The following SH3D19 variants were observed in gnomAD, a reference collection of about 807,000 sequenced individuals.
SH3D19 encodes SH3 domain containing 19.
Under a neutral mutation model 112.1 loss-of-function variants are expected in SH3D19, and 58 were observed. That is an observed-to-expected ratio of 0.52 (90% CI 0.42 to 0.64). SH3D19 has a LOEUF of 0.64. Among genes scored for constraint, SH3D19 ranks in the 30% least tolerant of loss-of-function variants. The pLI is 0.00. For synonymous variants in SH3D19, 391 were observed against 448.5 expected, an observed-to-expected ratio of 0.87 and a Z score of 1.62; for missense variants, 1,090 against 1,263.4, an observed-to-expected ratio of 0.86 and a Z score of 2.08.
chr4:151,229,679 G>A (rs955376146), intron 1 of SH3D19, among the ~76,000 whole-genome samples: 9 of 152,176 alleles, frequency 5.9e-5, no homozygotes, highest in Admixed American at 3.9e-4. Context: ...TTGGGAGGCC[G>A]AGGTGGGTGG....
chr4:151,213,869 T>C (rs1766416695), intron 2 of SH3D19, among the ~76,000 whole-genome samples: 1 of 151,404 alleles, frequency 6.6e-6, no homozygotes, highest in African/African-American at 2.4e-5. Flanking sequence ...AAATTTTTTT[T>C]TTTTTAATTT....
intron 3 of SH3D19, among the ~76,000 whole-genome samples, chr4:151,182,232 G>A (rs756595847): frequency 2.6e-5 from 4 of 151,890 alleles, no homozygotes; most frequent in Non-Finnish European, 5.9e-5. Flanking sequence ...CAAGTGATCC[G>A]CCCACCTTGG....
chr4:151,299,918 T>A (rs1728196534), intron 1 of SH3D19, among the ~76,000 whole-genome samples: 1 of 151,964 alleles, frequency 6.6e-6, no homozygotes, highest in Non-Finnish European at 1.5e-5. Context: ...AAAACCAATG[T>A]CGGCCGGGTG....
chr4:151,185,129 T>C (rs1761580327), intron 3 of SH3D19, among the ~76,000 whole-genome samples: 1 of 145,596 alleles, frequency 6.9e-6, no homozygotes, highest in Non-Finnish European at 1.5e-5. Context: ...AGATCTATCT[T>C]GGGGGATCCA....
intron 3 of SH3D19, among the ~76,000 whole-genome samples, chr4:151,183,954 A>C (rs1225952908): frequency 5.3e-5 from 8 of 152,224 alleles, no homozygotes; most frequent in Non-Finnish European, 5.9e-5. Flanking sequence ...GTCAACACCT[A>C]CCACGCACAG....
intron 7 of SH3D19, among the ~76,000 whole-genome samples, chr4:151,169,497 A>T (rs1251665375): frequency 6.6e-6 from 1 of 152,182 alleles, no homozygotes; most frequent in Non-Finnish European, 1.5e-5. Flanking sequence ...GATAAACAGC[A>T]TCACTTCAAT....
intron 1 of SH3D19, among the ~76,000 whole-genome samples, chr4:151,283,663 A>T (rs1253858444): frequency 6.6e-6 from 1 of 151,738 alleles, no homozygotes; most frequent in Non-Finnish European, 1.5e-5. Context: ...TGGGACTACA[A>T]GCTCACACCT....
intron 17 of SH3D19, among the ~76,000 whole-genome samples, chr4:151,130,919 G>A (rs915231885): frequency 5.3e-5 from 8 of 150,764 alleles, no homozygotes; most frequent in Admixed American, 4.6e-4. Context: ...CAGCCTGGGC[G>A]ACGGAGTAAG....
rs1308365941 is a variant in SH3D19 at position 151,176,524 on chromosome 4, C to T, written c.529+10G>A. 4 of 1,232,000 alleles carry T rather than the reference C, an allele frequency of 3.2e-6. No homozygotes were observed. The African/African-American group carries it at 6.2e-5, about 19-fold the overall frequency. 76.3% of individuals were successfully genotyped at this position (1,232,000 alleles called of 1,614,324 possible). On this transcript the variant is annotated intron_variant, in intron 6 of 19. Transcript: ENST00000604030. ...GGTCAGAATTAGGGAAGACAAATTA[C>T]TTGCATTACTTTGAGGCAGATCGTT...
chr4:151,270,814 C>A (rs1421852497), intron 1 of SH3D19, among the ~76,000 whole-genome samples: 3 of 152,172 alleles, frequency 2.0e-5, no homozygotes, highest in African/African-American at 7.2e-5. Flanking sequence ...ATTTGTGAAA[C>A]AAAAGCTTCA....
intron 1 of SH3D19, among the ~76,000 whole-genome samples, chr4:151,238,994 T>C (rs1291214581): frequency 6.6e-6 from 1 of 152,208 alleles, no homozygotes; most frequent in Non-Finnish European, 1.5e-5. Context: ...TTACTCACTG[T>C]GTAGAATGCT....
At chr4:151,259,445 T>A (rs913651676) in intron 1 of SH3D19, 3 of 152,238 alleles carry the variant, frequency 2.0e-5, no homozygotes, top group Non-Finnish European at 4.4e-5. Flanking sequence ...CCAGGCTGCA[T>A]CCCTCCAAGT....
rs560064738 is a variant in SH3D19 at position 151,157,259 on chromosome 4, G to GA, written c.1755+1980dup. Among the ~76,000 whole-genome samples, 1,106 of 121,764 alleles carry GA rather than the reference G, an allele frequency of 9.1e-3. 5 individuals carry two copies. The highest frequency in any genetic ancestry group is 0.024 in the African/African-American group (815 of 33,552). 79.9% of individuals were successfully genotyped at this position (121,764 alleles called of 152,430 possible). A position where few individuals can be genotyped will look rare whatever the true frequency, so the allele number is the denominator to read the frequency against. ...AGAGTAAGACCCTATCTCAAAAAAA[G>GA]AAAAAAAAAAAACGGCAAATGATCT... On this transcript the variant is annotated intron_variant, in intron 9 of 19. Transcript: ENST00000604030.
intron 1 of SH3D19, among the ~76,000 whole-genome samples, chr4:151,228,336 T>G (rs1278237483): frequency 3.3e-5 from 5 of 152,212 alleles, no homozygotes; most frequent in Non-Finnish European, 5.9e-5. Context: ...ACTCACAATA[T>G]TTCCCATCCC....
chr4:151,269,596 A>C (rs1255011341), intron 1 of SH3D19, among the ~76,000 whole-genome samples: 2 of 152,118 alleles, frequency 1.3e-5, no homozygotes, highest in Non-Finnish European at 2.9e-5. Context: ...TAAGTCTTTA[A>C]TCCATCTAAG....
chr4:151,307,196 T>G (rs28569336), intron 1 of SH3D19, among the ~76,000 whole-genome samples: 46,417 of 150,802 alleles, frequency 0.31, 7,469 homozygotes, highest in East Asian at 0.47. Flanking sequence ...TTTTTTTTTT[T>G]TATTTTTAGT....
At chr4:151,155,029 A>AT (rs1471595037) in intron 9 of SH3D19, among the ~76,000 whole-genome samples, 7 of 152,220 alleles carry the variant, frequency 4.6e-5, no homozygotes, top group Non-Finnish European at 1.0e-4. Context: ...AAGTGCTGGG[A>AT]TTACAGGTGT....
chr4:151,136,558 G>A (rs1161955773), intron 14 of SH3D19, among the ~76,000 whole-genome samples: 2 of 131,144 alleles, frequency 1.5e-5, no homozygotes, highest in Admixed American at 1.7e-4. Flanking sequence ...TAAAGCTCGA[G>A]GTTTATATTA....
intron 2 of SH3D19, among the ~76,000 whole-genome samples, chr4:151,221,632 TC>T (rs1486993309): frequency 1.3e-5 from 2 of 152,240 alleles, no homozygotes; most frequent in Non-Finnish European, 2.9e-5. Context: ...CTTTCTCTCC[TC>T]AAAATACCTT....
Sources: gnomAD v4.1 joint callset for allele counts (sites outside exome capture counted in the v4.1 genomes callset) on GRCh38, gnomAD v4.1.1 for gene constraint, MANE v1.5 for transcripts, NCBI Gene and HGNC (gene_info 2026-07-23, HGNC 2026-07-21) for gene names.